RIMS2: variants seen among roughly 807,000 people sequenced by gnomAD.
RIMS2 encodes regulating synaptic membrane exocytosis 2.
In RIMS2, 59 loss-of-function variants were observed where a neutral mutation model predicts 174.4. The ratio of observed to expected loss-of-function variants is 0.34; its 90% CI spans 0.27 to 0.42. The LOEUF is 0.42. Among genes scored for constraint, RIMS2 ranks in the 10% least tolerant of loss-of-function variants. The probability of loss-of-function intolerance (pLI) is 1.00; values close to 1 mark genes in which losing one functional copy is unlikely to be tolerated. For missense variants in RIMS2, 1,620 were observed against 1,666.3 expected (o/e 0.97, Z 0.48); for synonymous variants, 606 against 572.5 (o/e 1.06, Z -0.84).
chr8:103,838,574 A>C (rs1271760048), intron 3 of RIMS2, among the ~76,000 whole-genome samples: 1 of 152,224 alleles, frequency 6.6e-6, no homozygotes, highest in East Asian at 1.9e-4. Context: ...CACAGATACC[A>C]ATCTCAACAT....
chr8:103,598,919 A>G (rs1229907657), intron 1 of RIMS2, among the ~76,000 whole-genome samples: 1 of 151,874 alleles, frequency 6.6e-6, no homozygotes, highest in Non-Finnish European at 1.5e-5. Flanking sequence ...TTTTTTTTAC[A>G]GTAAGTTATT....
chr8:104,125,028 T>A (rs1599445447), intron 19 of RIMS2, among the ~76,000 whole-genome samples: 1 of 152,070 alleles, frequency 6.6e-6, no homozygotes, highest in African/African-American at 2.4e-5. Flanking sequence ...GTGGAGGTGG[T>A]AAGCAGCAGA....
rs2099348586 is a variant in RIMS2, at chr8:104,248,870, T to A, written c.3589+57T>A. ...TTGTTTTAGATTGTTGAAAATGAAA[T>A]TCTCTAAATTTCATAGAATCTTCTC... On this transcript the variant is annotated intron_variant, in intron 21 of 23. Transcript: ENST00000504942. 3 of 894,596 alleles carry A rather than the reference T, an allele frequency of 3.4e-6. No individual in the cohort carries two copies. The Admixed American group carries it at 5.3e-5, about 16-fold the overall frequency. The allele number at this position is 894,596 out of a possible 1,614,324, so 55.4% of individuals were successfully genotyped here. A position where few individuals can be genotyped will look rare whatever the true frequency, so the allele number is the denominator to read the frequency against.
chr8:104,242,023 G>A (rs2099301888), intron 19 of RIMS2, among the ~76,000 whole-genome samples: 1 of 152,066 alleles, frequency 6.6e-6, no homozygotes. Flanking sequence ...GCCTCCCAAA[G>A]TGCTGGGATT....
At chr8:103,663,987 AC>A (rs1228474982) in intron 1 of RIMS2, among the ~76,000 whole-genome samples, 3 of 152,238 alleles carry the variant, frequency 2.0e-5, no homozygotes, top group African/African-American at 7.2e-5. Context: ...CCATACATCT[AC>A]AACCATCTGA....
intron 1 of RIMS2, among the ~76,000 whole-genome samples, chr8:103,640,251 A>G (rs978037767): frequency 4.0e-5 from 6 of 151,742 alleles, no homozygotes; most frequent in African/African-American, 9.7e-5. Context: ...TTCATTTTTT[A>G]TATTAGTAAT....
At chr8:103,946,994 A>G (rs2154541280) in intron 14 of RIMS2, among the ~76,000 whole-genome samples, 1 of 152,322 alleles carries the variant, frequency 6.6e-6, no homozygotes, top group South Asian at 2.1e-4. Flanking sequence ...GGGGGGGAAT[A>G]GTTTTTTGTT....
At chr8:103,771,386 T>G (rs2154427943) in intron 3 of RIMS2, among the ~76,000 whole-genome samples, 1 of 152,302 alleles carries the variant, frequency 6.6e-6, no homozygotes, top group Non-Finnish European at 1.5e-5. Flanking sequence ...TGAAATTATT[T>G]AAGTTGGATG....
intron 4 of RIMS2, among the ~76,000 whole-genome samples, chr8:103,905,012 C>G (rs942147642): frequency 2.0e-5 from 3 of 151,898 alleles, no homozygotes; most frequent in Non-Finnish European, 4.4e-5. Flanking sequence ...ATGTAGAAAC[C>G]TTAAGTCATT....
In RIMS2 at chr8:103,990,778, T is replaced by C. The variant is rs148410376; in HGVS notation, c.3044+1357T>C. Among the ~76,000 whole-genome samples the C allele has an allele frequency of 2.3e-4, 35 of 152,166 alleles. No homozygotes were observed. In the East Asian group the frequency reaches 6.4e-3, roughly 28 times the overall value. ...ATGGAAATGATGAGAGAGAAAATTC[T>C]GAAATGAATTTAAACTTTGTTCAAT... On this transcript the variant is annotated intron_variant, in intron 17 of 23. Transcript: ENST00000504942.
At chr8:103,672,953 T>G (rs2096763572) in intron 1 of RIMS2, among the ~76,000 whole-genome samples, 1 of 152,138 alleles carries the variant, frequency 6.6e-6, no homozygotes, top group Admixed American at 6.5e-5. Flanking sequence ...ACAGTACAAG[T>G]GGGGTATAGG....
intron 1 of RIMS2, among the ~76,000 whole-genome samples, chr8:103,645,731 T>C (rs968865022): frequency 2.0e-5 from 3 of 152,166 alleles, no homozygotes; most frequent in African/African-American, 7.2e-5. Flanking sequence ...TACTCAGTGA[T>C]CTATATTGGG....
At chr8:103,553,258 GT>G (rs1848874699) in intron 1 of RIMS2, among the ~76,000 whole-genome samples, 1 of 152,064 alleles carries the variant, frequency 6.6e-6, no homozygotes, top group African/African-American at 2.4e-5. Context: ...ATGGAATACT[GT>G]GCAGCCATTA....
intron 1 of RIMS2, among the ~76,000 whole-genome samples, chr8:103,623,626 A>C (rs2095696293): frequency 6.6e-6 from 1 of 150,778 alleles, no homozygotes; most frequent in East Asian, 1.9e-4. Flanking sequence ...CTGGGACTAC[A>C]GGCGCCCGCC....
intron 19 of RIMS2, 25 bp from the exon 24 acceptor site, chr8:104,093,446 C>A: frequency 1.3e-6 from 2 of 1,514,864 alleles, no homozygotes; most frequent in Non-Finnish European, 1.8e-6. Flanking sequence ...ACAACTTCTG[C>A]GTATTTGTCA....
At chr8:103,839,322 T>C (rs2098925426) in intron 3 of RIMS2, among the ~76,000 whole-genome samples, 1 of 152,238 alleles carries the variant, frequency 6.6e-6, no homozygotes, top group South Asian at 2.1e-4. Context: ...TGATGTATTG[T>C]AGAATTTTTA....
At chr8:103,723,736 C>T (rs1485579850) in intron 2 of RIMS2, among the ~76,000 whole-genome samples, 3 of 152,188 alleles carry the variant, frequency 2.0e-5, no homozygotes, top group Admixed American at 6.5e-5. Context: ...ATGGGACTTG[C>T]TTGGTCCCTG....
intron 16 of RIMS2, among the ~76,000 whole-genome samples, chr8:103,978,693 A>G (rs1274929886): frequency 6.6e-6 from 1 of 152,248 alleles, no homozygotes; most frequent in Non-Finnish European, 1.5e-5. Context: ...GCTTTTAAAG[A>G]TAGGAAGCAA....
At chr8:103,898,537 AT>A (rs996419286) in intron 4 of RIMS2, among the ~76,000 whole-genome samples, 1 of 151,494 alleles carries the variant, frequency 6.6e-6, no homozygotes, top group Admixed American at 6.6e-5. Flanking sequence ...GTCCACTGTC[AT>A]TTTTTAGGAT....
Sources: allele counts gnomAD v4.1 joint callset (sites outside exome capture counted in the v4.1 genomes callset), GRCh38; gene constraint gnomAD v4.1.1; transcripts MANE v1.5; gene names NCBI Gene and HGNC (gene_info 2026-07-23, HGNC 2026-07-21).